Variants in GABRG3 observed in about 807,000 individuals in gnomAD.
GABRG3 encodes the protein gamma-aminobutyric acid type A receptor subunit gamma3.
GABRG3 carries 25 observed loss-of-function variants against 48.8 expected under a neutral mutation model. The observed-to-expected ratio is 0.51, with a 90% confidence interval of 0.37 to 0.72. The LOEUF is 0.72. Ranked by LOEUF, GABRG3 falls within the 30% of genes least tolerant of loss-of-function variation. The pLI is 0.00. For missense variants in GABRG3, 394 were observed against 577.9 expected, an observed-to-expected ratio of 0.68 and a Z score of 3.26; for synonymous variants, 227 against 217.6, an observed-to-expected ratio of 1.04 and a Z score of -0.38.
At chr15:27,090,119 T>A (rs2140754053) in intron 3 of GABRG3, among the ~76,000 whole-genome samples, 1 of 152,316 alleles carries the variant, frequency 6.6e-6, no homozygotes, top group African/African-American at 2.4e-5. Flanking sequence ...CACTACACGC[T>A]CAGTAGAAAC....
intron 5 of GABRG3, among the ~76,000 whole-genome samples, chr15:27,369,041 C>T (rs1454973898): frequency 1.3e-5 from 2 of 152,184 alleles, no homozygotes; most frequent in South Asian, 4.1e-4. Context: ...TATATGTTCA[C>T]CATCCTCTCT....
At chr15:27,329,019 A>G (rs1893716281) in intron 5 of GABRG3, 131 bp downstream of exon 5, 2 of 766,572 alleles carry the variant, frequency 2.6e-6, no homozygotes, top group Admixed American at 4.3e-5. Flanking sequence ...TGATGGTTTC[A>G]GTATTGACCA....
Position 27,539,450 on chromosome 15 carries a change from T to C in GABRG3, c.*6569T>C, listed in dbSNP as rs1186501533. The C allele has an allele frequency of 1.3e-5, 2 of 152,226 alleles. No homozygotes were observed. The highest frequency in any genetic ancestry group is 2.9e-5 in the Non-Finnish European group (2 of 68,052). The allele number at this position is 152,226 out of a possible 1,614,324, so 9.4% of individuals were successfully genotyped here. A position where few individuals can be genotyped will look rare whatever the true frequency, so the allele number is the denominator to read the frequency against. ...ATCTAAGGAGGTCTATTCGAAAGGA[T>C]AGTGCTTGACTTTCAATTTATAAAA... On this transcript the variant is annotated 3_prime_UTR_variant, in exon 10 of 10. Coordinates refer to ENST00000615808, the MANE Select transcript of GABRG3 (RefSeq NM_033223.5).
chr15:27,354,740 A>C lies in GABRG3; in HGVS notation c.574+25852A>C, dbSNP rs112130223. 4.4e-3 allele frequency among the ~76,000 whole-genome samples: 668 copies of C among 152,338 alleles called. 3 individuals carry two copies. The highest frequency in any genetic ancestry group is 0.015 in the African/African-American group (632 of 41,582). On this transcript the variant is annotated intron_variant, in intron 5 of 9. Transcript: ENST00000615808. Reference sequence around the variant, plus strand: ...GTTCTGTTATGTGAGTGGATATCTCACATGCATTTAAAGTATGATTCAATT... The same window carrying C: ...GTTCTGTTATGTGAGTGGATATCTCCCATGCATTTAAAGTATGATTCAATT...
chr15:27,035,581 TG>T (rs1315014920), intron 3 of GABRG3, among the ~76,000 whole-genome samples: 1 of 152,148 alleles, frequency 6.6e-6, no homozygotes, highest in Non-Finnish European at 1.5e-5. Flanking sequence ...GCTGTTGGGT[TG>T]GGCCCCCTAT....
chr15:27,341,888 G>A (rs988862062), intron 5 of GABRG3, among the ~76,000 whole-genome samples: 5 of 152,220 alleles, frequency 3.3e-5, no homozygotes, highest in Non-Finnish European at 5.9e-5. Context: ...TCTGACAACT[G>A]TGTTGGCTGC....
At chr15:27,315,534 C>T (rs1277721455) in intron 3 of GABRG3, among the ~76,000 whole-genome samples, 1 of 152,178 alleles carries the variant, frequency 6.6e-6, no homozygotes, top group Non-Finnish European at 1.5e-5. Flanking sequence ...ATTATATAGA[C>T]ATATTCCCAT....
chr15:27,152,995 G>A (rs1275291584), intron 3 of GABRG3, among the ~76,000 whole-genome samples: 2 of 151,914 alleles, frequency 1.3e-5, no homozygotes, highest in East Asian at 3.9e-4. Flanking sequence ...TGAGTAGCTG[G>A]GACCACAGGC....
intron 5 of GABRG3, among the ~76,000 whole-genome samples, chr15:27,393,359 A>AAAAG (rs1887206688): frequency 6.6e-6 from 1 of 150,848 alleles, no homozygotes; most frequent in East Asian, 1.9e-4. Flanking sequence ...AAAAAAAAAA[A>AAAAG]AAAGAAAAGA....
chr15:27,227,887 G>T (rs973606543), intron 3 of GABRG3, among the ~76,000 whole-genome samples: 2 of 152,098 alleles, frequency 1.3e-5, no homozygotes, highest in Non-Finnish European at 2.9e-5. Flanking sequence ...TACATCACAT[G>T]AAACTGCTGG....
At chr15:27,202,789 A>G (rs914739276) in intron 3 of GABRG3, among the ~76,000 whole-genome samples, 2 of 152,132 alleles carry the variant, frequency 1.3e-5, no homozygotes, top group African/African-American at 2.4e-5. Context: ...CTCTTTGACT[A>G]TTATGAACAT....
At chr15:27,228,973 C>T (rs1459066606) in intron 3 of GABRG3, among the ~76,000 whole-genome samples, 1 of 152,152 alleles carries the variant, frequency 6.6e-6, no homozygotes, top group Non-Finnish European at 1.5e-5. Context: ...AGACCTTTGT[C>T]AGATGCATAG....
chr15:27,401,335 A>G (rs1027479824), intron 5 of GABRG3, among the ~76,000 whole-genome samples: 1 of 152,178 alleles, frequency 6.6e-6, no homozygotes, highest in Non-Finnish European at 1.5e-5. Context: ...ATTCCTTTAA[A>G]AACCAGGGTT....
intron 2 of GABRG3, among the ~76,000 whole-genome samples, chr15:27,000,005 T>C (rs539471317): frequency 3.0e-4 from 46 of 152,324 alleles, no homozygotes; most frequent in African/African-American, 1.1e-3. Context: ...AATATCCCTG[T>C]TTTTAAAATT....
chr15:27,448,993 C>A (rs990283131), intron 5 of GABRG3, among the ~76,000 whole-genome samples: 11 of 152,150 alleles, frequency 7.2e-5, no homozygotes, highest in African/African-American at 2.7e-4. Context: ...CTTTTAAGAG[C>A]CTCCAGTGTA....
intron 3 of GABRG3, among the ~76,000 whole-genome samples, chr15:27,083,530 G>A (rs772786317): frequency 1.3e-5 from 2 of 151,950 alleles, no homozygotes; most frequent in Non-Finnish European, 2.9e-5. Flanking sequence ...ATTTCACCAT[G>A]TTGGCCAGGA....
At chr15:27,020,860 C>G (rs905111521) in intron 2 of GABRG3, among the ~76,000 whole-genome samples, 8 of 152,144 alleles carry the variant, frequency 5.3e-5, no homozygotes, top group Admixed American at 2.0e-4. Flanking sequence ...ACATCTTTGT[C>G]TCAGACGATC....
chr15:27,089,323 T>A (rs892059034), intron 3 of GABRG3, among the ~76,000 whole-genome samples: 1 of 152,138 alleles, frequency 6.6e-6, no homozygotes, highest in African/African-American at 2.4e-5. Flanking sequence ...GAGGTGGACC[T>A]GCTGCCTGCA....
chr15:27,247,580 T>C (rs1296952975), intron 3 of GABRG3, among the ~76,000 whole-genome samples: 4 of 152,256 alleles, frequency 2.6e-5, no homozygotes, highest in East Asian at 3.9e-4. Context: ...TTTTAAGAGA[T>C]AGAAAGGAGC....
Sources: allele counts gnomAD v4.1 joint callset (sites outside exome capture counted in the v4.1 genomes callset), GRCh38; gene constraint gnomAD v4.1.1; transcripts MANE v1.5; gene names NCBI Gene and HGNC (gene_info 2026-07-23, HGNC 2026-07-21).